The following AGAP1 variants were observed in gnomAD, a reference collection of about 807,000 sequenced individuals.
AGAP1 encodes the protein ArfGAP with GTPase domain, ankyrin repeat and PH domain 1.
AGAP1 carries 29 observed loss-of-function variants against 105.3 expected under a neutral mutation model. The observed-to-expected ratio is 0.28, with a 90% CI of 0.21 to 0.38. The LOEUF (loss-of-function observed/expected upper bound fraction) is 0.38, where lower values mean the gene tolerates loss of function less well. Ranked by LOEUF, AGAP1 falls within the 10% of genes least tolerant of loss-of-function variation. AGAP1 has a pLI of 1.00. For missense variants in AGAP1, 998 were observed against 1,165.1 expected (o/e 0.86, Z 2.09); for synonymous variants, 509 against 485.9 (o/e 1.05, Z -0.63).
rs748623851 is a variant in AGAP1, at chr2:235,797,827, A to G, written c.742A>G (p.Asn248Asp). The G allele has an allele frequency of 8.1e-6, 13 of 1,614,102 alleles. No individual in the cohort carries two copies. Among genetic ancestry groups the G allele is most frequent in the Non-Finnish European group, 1.1e-5 (13 of 1,180,050 alleles). Residue 248 changes from asparagine (N) to aspartate (D), a missense_variant, in exon 7 of 18, where the codon AAT (asparagine) becomes GAT (aspartate). Around this residue, in one of 3 missense-constraint regions of AGAP1, gnomAD observed 735 missense variants for 833.4 expected, o/e 0.88. Coordinates refer to ENST00000304032, the MANE Select transcript of AGAP1 (RefSeq NM_001037131.3). ...LSIGPCKSLP[N>D]SPSHSSVCSA... ...CATAGGACCCTGCAAGTCGCTACCT[A>G]ATTCTCCCAGCCATTCCTCCGTCTG...
Position 236,040,604 on chromosome 2 carries a change from A to G in AGAP1, c.1801-147A>G, listed in dbSNP as rs1285571671. On this transcript the variant is annotated intron_variant, in intron 14 of 17. Coordinates refer to ENST00000304032, the MANE Select transcript of AGAP1 (RefSeq NM_001037131.3). The surrounding 1 kb of genome is among the most constrained non-coding windows in gnomAD (Gnocchi z 5.6). ...TCTTCTTCAGTTATGCTCTTTCCCA[A>G]AGACATCAAAACAAGAGTGATTGTT... The G allele has an allele frequency of 1.3e-5, 4 of 296,896 alleles. No homozygotes were observed. The highest frequency in any genetic ancestry group is 4.6e-5 in the Admixed American group (1 of 21,656). 18.4% of individuals were successfully genotyped at this position (296,896 alleles called of 1,614,324 possible).
chr2:235,646,073 G>T (rs950887499), intron 1 of AGAP1, among the ~76,000 whole-genome samples: 1 of 151,998 alleles, frequency 6.6e-6, no homozygotes, highest in African/African-American at 2.4e-5. Flanking sequence ...TCAGAAGTTC[G>T]AGACCAGCCT....
At position 235,752,418 on chromosome 2, in the gene AGAP1, A is replaced by G. The variant is rs147291872; in HGVS notation, c.673+1930A>G. Reference sequence around the variant, plus strand: ...GGTCTCAAACTCCTGAGCCCAGGCAATCTGCCCACCTTGGCCTCCCAAAGT... The same window carrying G: ...GGTCTCAAACTCCTGAGCCCAGGCAGTCTGCCCACCTTGGCCTCCCAAAGT... On this transcript the variant is annotated intron_variant, in intron 6 of 17. Transcript: ENST00000304032. This position sits in a 1 kb window ranked among gnomAD's most constrained non-coding sequence, Gnocchi z 4.3. Among the ~76,000 whole-genome samples, 3,247 of 152,254 alleles carry G rather than the reference A, an allele frequency of 0.021. 99 individuals carry two copies. Among genetic ancestry groups the G allele is most frequent in the African/African-American group, 0.067 (2,794 of 41,554 alleles).
intron 6 of AGAP1, chr2:235,773,879 G>A (rs955800872): frequency 8.9e-6 from 4 of 449,174 alleles, no homozygotes; most frequent in Admixed American, 5.6e-5. Context: ...AACATTTATT[G>A]AAGAGACTTT....
chr2:236,098,620 C>CCTTTTTTTTTTTTTTTTTTTTTTT (rs2059253301), intron 16 of AGAP1, among the ~76,000 whole-genome samples: 1 of 115,256 alleles, frequency 8.7e-6, no homozygotes, highest in East Asian at 2.6e-4. Flanking sequence ...TCTTTTTTTC[C>CCTTTTTTTTTTTTTTTTTTTTTTT]TTTTTTTTTT....
At chr2:235,575,804 G>T (rs13015288) in intron 1 of AGAP1, among the ~76,000 whole-genome samples, 71,848 of 152,016 alleles carry the variant, frequency 0.47, 17,412 homozygotes, top group Middle Eastern at 0.62. Flanking sequence ...TCTGTTTCTG[G>T]TGTCCTTTTT....
At chr2:235,507,063 C>T (rs907387155) in intron 1 of AGAP1, 7 of 153,060 alleles carry the variant, frequency 4.6e-5, no homozygotes, top group Non-Finnish European at 2.9e-5. Context: ...GACCTCCTGC[C>T]GTTTCTCTGG....
chr2:235,722,408 T>C (rs984776572), intron 3 of AGAP1, among the ~76,000 whole-genome samples: 1 of 146,664 alleles, frequency 6.8e-6, no homozygotes, highest in East Asian at 1.9e-4. Flanking sequence ...CTGGTATACG[T>C]AGATGGCTGG....
At position 235,834,371 on chromosome 2, in the gene AGAP1, T is replaced by G. The variant is rs148633041; in HGVS notation, c.1050+27040T>G. The stretch of plus-strand genomic sequence containing the variant: ...ATCACACTGCAGATTCAGATATGCC[T>G]TCTGTCCTTTCAAAGGGTGTATCCT... On this transcript the variant is annotated intron_variant, in intron 9 of 17. Coordinates refer to ENST00000304032, the MANE Select transcript of AGAP1 (RefSeq NM_001037131.3). Among the ~76,000 whole-genome samples, 51 of 152,288 alleles carry G rather than the reference T, an allele frequency of 3.3e-4. No individual in the cohort carries two copies. In the South Asian group the frequency reaches 3.9e-3, roughly 12 times the overall value.
chr2:235,956,106 G>A (rs918719742), intron 12 of AGAP1, among the ~76,000 whole-genome samples: 3 of 152,136 alleles, frequency 2.0e-5, no homozygotes, highest in Non-Finnish European at 4.4e-5. Context: ...CCTCACACGT[G>A]AAACAGAATC....
intron 9 of AGAP1, among the ~76,000 whole-genome samples, chr2:235,869,729 G>C (rs1260921228): frequency 1.3e-5 from 2 of 152,250 alleles, no homozygotes; most frequent in African/African-American, 2.4e-5. Context: ...CAGCGTCCAA[G>C]ATCATTTCTT....
At chr2:235,786,783 G>C (rs1956667173) in intron 6 of AGAP1, among the ~76,000 whole-genome samples, 1 of 152,196 alleles carries the variant, frequency 6.6e-6, no homozygotes, top group African/African-American at 2.4e-5. Context: ...AGCAGGTGAG[G>C]TCTTGAAGAA....
intron 1 of AGAP1, among the ~76,000 whole-genome samples, chr2:235,547,572 T>G (rs1231985378): frequency 6.6e-6 from 1 of 152,184 alleles, no homozygotes; most frequent in African/African-American, 2.4e-5. Flanking sequence ...TTGGCCAGAT[T>G]GGTCTCAAAC....
At chr2:235,616,591 C>T (rs943666947) in intron 1 of AGAP1, among the ~76,000 whole-genome samples, 3 of 152,074 alleles carry the variant, frequency 2.0e-5, no homozygotes, top group Non-Finnish European at 4.4e-5. Context: ...CTTCTTTTAA[C>T]CCTAGATTGA....
chr2:235,871,531 C>G (rs2049439869), intron 9 of AGAP1, among the ~76,000 whole-genome samples: 1 of 152,234 alleles, frequency 6.6e-6, no homozygotes, highest in African/African-American at 2.4e-5. Flanking sequence ...TCCACTCATG[C>G]TTCTTACATC....
rs980392755 is a variant in AGAP1, at chr2:236,036,413, TCTC to T, written c.1646-146_1646-144del. 3.8e-6 allele frequency: 4 copies of T among 1,058,114 alleles called. No homozygotes were observed. The South Asian group carries it at 6.3e-5, about 17-fold the overall frequency. 65.5% of individuals were successfully genotyped at this position (1,058,114 alleles called of 1,614,324 possible). On this transcript the variant is annotated intron_variant, in intron 13 of 17. Coordinates refer to ENST00000304032, the MANE Select transcript of AGAP1 (RefSeq NM_001037131.3). This position sits in a 1 kb window ranked among gnomAD's most constrained non-coding sequence, Gnocchi z 5.7. ...CTGTTGGGAGGTGCATGGATTCAAATCTCCGCCGCCGTGGTTGTCCAGTGCCGT... is the reference window on the plus strand; with the variant it reads ...CTGTTGGGAGGTGCATGGATTCAAATCGCCGCCGTGGTTGTCCAGTGCCGT...
chr2:235,511,815 A>AGTGTGTGTGAAT (rs1243983863), intron 1 of AGAP1, among the ~76,000 whole-genome samples: 1 of 151,258 alleles, frequency 6.6e-6, no homozygotes, highest in Non-Finnish European at 1.5e-5. Context: ...TATTTGTGTG[A>AGTGTGTGTGAAT]GTGTGTGTGA....
In AGAP1 at chr2:235,919,340, C is replaced by T. The variant is rs971048416; in HGVS notation, c.1324+10434C>T. Among the ~76,000 whole-genome samples, 10 of 152,184 alleles carry T rather than the reference C, an allele frequency of 6.6e-5. No individual in the cohort carries two copies. Among genetic ancestry groups the T allele is most frequent in the East Asian group, 5.8e-4 (3 of 5,192 alleles). On this transcript the variant is annotated intron_variant, in intron 11 of 17. Transcript: ENST00000304032. This position sits in a 1 kb window ranked among gnomAD's most constrained non-coding sequence, Gnocchi z 4.1. ...AAGTAATCGTGACATTTTTCCATCT[C>T]GAAACCTTGTGGCCCATTGTTTTGA...
chr2:235,527,962 A>C (rs1035604891), intron 1 of AGAP1, among the ~76,000 whole-genome samples: 3 of 152,192 alleles, frequency 2.0e-5, no homozygotes, highest in African/African-American at 4.8e-5. Flanking sequence ...TCTTGAGTAC[A>C]CAGATGTGTC....
Sources: allele counts gnomAD v4.1 joint callset (sites outside exome capture counted in the v4.1 genomes callset), GRCh38; gene constraint gnomAD v4.1.1; regional missense constraint gnomAD v4.1.1; non-coding constraint Gnocchi (gnomAD v3.1); transcripts MANE v1.5; gene names NCBI Gene and HGNC (gene_info 2026-07-23, HGNC 2026-07-21).